The following BACE2 variants were observed in gnomAD, a reference collection of about 807,000 sequenced individuals.
BACE2 encodes beta-secretase 2, also known as 56 kDa aspartic-like protease.
Under a neutral mutation model 46.2 loss-of-function variants are expected in BACE2, and 17 were observed. The ratio of observed to expected loss-of-function variants is 0.37; its 90% confidence interval spans 0.25 to 0.55. BACE2 has a LOEUF of 0.55. Among genes scored for constraint, BACE2 ranks in the 20% least tolerant of loss-of-function variants. BACE2 has a pLI of 0.82. For synonymous variants in BACE2, 277 were observed against 295.9 expected (o/e 0.94, Z 0.66); for missense variants, 595 against 698.1 (o/e 0.85, Z 1.66).
intron 1 of BACE2, among the ~76,000 whole-genome samples, chr21:41,210,022 C>T (rs772293504): frequency 6.6e-6 from 1 of 152,074 alleles, no homozygotes; most frequent in Non-Finnish European, 1.5e-5. Context: ...ACCTATCACC[C>T]CAGGAACGAG....
chr21:41,202,817 CAT>C (rs1986003220), intron 1 of BACE2, among the ~76,000 whole-genome samples: 1 of 152,162 alleles, frequency 6.6e-6, no homozygotes, highest in African/African-American at 2.4e-5. Context: ...CCTGGTTAAA[CAT>C]ATGGATTCCA....
intron 2 of BACE2, among the ~76,000 whole-genome samples, chr21:41,234,239 CCAT>C (rs1987049868): frequency 1.3e-5 from 2 of 152,206 alleles, no homozygotes. Context: ...TCACCTTCCA[CCAT>C]GATTGTGAGG....
intron 1 of BACE2, among the ~76,000 whole-genome samples, chr21:41,191,134 G>A (rs1014560519): frequency 6.6e-6 from 1 of 152,164 alleles, no homozygotes; most frequent in Middle Eastern, 3.2e-3. Flanking sequence ...GGGAGAAACA[G>A]TACCATATAT....
In BACE2 at chr21:41,279,022, T is replaced by G. The variant is rs1474666182; in HGVS notation, c.*3398T>G. 1.3e-5 allele frequency: 2 copies of G among 149,208 alleles called. No individual in the cohort carries two copies. Among genetic ancestry groups the G allele is most frequent in the Admixed American group, 1.3e-4 (2 of 15,156 alleles). The allele number at this position is 149,208 out of a possible 1,614,324, so 9.2% of individuals were successfully genotyped here. A position where few individuals can be genotyped will look rare whatever the true frequency, so the allele number is the denominator to read the frequency against. On this transcript the variant is annotated 3_prime_UTR_variant, in exon 9 of 9. Coordinates refer to ENST00000330333, the MANE Select transcript of BACE2 (RefSeq NM_012105.5). ...AAAAACTTGCCAGTAAGTTTTTTGG[T>G]TGTTGTTTTGTTTTTTTTGAAAAAC...
rs772806755 is a variant in BACE2 at position 41,275,851 on chromosome 21, T to G, written c.*227T>G. On this transcript the variant is annotated 3_prime_UTR_variant, in exon 9 of 9. Transcript: ENST00000330333. ...AATAATTAAAAAAAAAACTTCATTCTAAACCAAAACAGAGTGGATTGGGCT... is the reference window on the plus strand; with the variant it reads ...AATAATTAAAAAAAAAACTTCATTCGAAACCAAAACAGAGTGGATTGGGCT... 4.9e-6 allele frequency: 3 copies of G among 607,578 alleles called. No homozygotes were observed. The highest frequency in any genetic ancestry group is 8.3e-6 in the Non-Finnish European group (3 of 360,068). The allele number at this position is 607,578 out of a possible 1,614,324, so 37.6% of individuals were successfully genotyped here. A position where few individuals can be genotyped will look rare whatever the true frequency, so the allele number is the denominator to read the frequency against.
At chr21:41,270,896 G>A (rs1374070436) in intron 8 of BACE2, among the ~76,000 whole-genome samples, 2 of 152,016 alleles carry the variant, frequency 1.3e-5, no homozygotes, top group African/African-American at 2.4e-5. Flanking sequence ...ATTGAGAAAC[G>A]GATATTGGAA....
At chr21:41,227,314 A>G (rs745781843) in intron 2 of BACE2, among the ~76,000 whole-genome samples, 17 of 152,202 alleles carry the variant, frequency 1.1e-4, no homozygotes, top group African/African-American at 2.2e-4. Context: ...GAACTGTCAC[A>G]TTAGGTTTCC....
At chr21:41,240,808 A>G (rs1987263409) in intron 3 of BACE2, among the ~76,000 whole-genome samples, 1 of 152,176 alleles carries the variant, frequency 6.6e-6, no homozygotes, top group Non-Finnish European at 1.5e-5. Context: ...GTCAAACACA[A>G]ATGGACTACA....
At chr21:41,176,536 G>C (rs774380436) in intron 1 of BACE2, 2 of 152,190 alleles carry the variant, frequency 1.3e-5, no homozygotes, top group Non-Finnish European at 2.9e-5. Context: ...CACTGCAGAG[G>C]CCAGATGCCC....
intron 1 of BACE2, chr21:41,181,546 T>G (rs1985123778): frequency 6.0e-6 from 1 of 167,120 alleles, no homozygotes; most frequent in African/African-American, 2.4e-5. Flanking sequence ...CAACTAGAGT[T>G]GGACCAGAGC....
chr21:41,275,685 G>A lies in BACE2; in HGVS notation c.*61G>A. On this transcript the variant is annotated 3_prime_UTR_variant, in exon 9 of 9. Transcript: ENST00000330333. ...GCTATTAAGAAAATCACATTTCCAG[G>A]GCAGCAGCCGGGATCGATGGTGGCG... is the stretch of plus-strand genomic sequence containing the variant. 2 of 1,581,242 alleles carry A rather than the reference G, an allele frequency of 1.3e-6. No individual in the cohort carries two copies. Among genetic ancestry groups the A allele is most frequent in the South Asian group, 1.1e-5 (1 of 87,548 alleles).
intron 1 of BACE2, among the ~76,000 whole-genome samples, chr21:41,187,428 C>T (rs1350217504): frequency 2.6e-5 from 4 of 152,212 alleles, no homozygotes; most frequent in Admixed American, 6.5e-5. Context: ...CCACTGTGTG[C>T]TAGAACCATG....
intron 7 of BACE2, among the ~76,000 whole-genome samples, chr21:41,253,079 G>A (rs903370706): frequency 6.6e-6 from 1 of 152,188 alleles, no homozygotes; most frequent in East Asian, 1.9e-4. Flanking sequence ...CAGTATCCTT[G>A]GATGAATGGC....
intron 7 of BACE2, among the ~76,000 whole-genome samples, chr21:41,252,927 T>C (rs1987681124): frequency 1.3e-5 from 2 of 152,108 alleles, no homozygotes; most frequent in Non-Finnish European, 2.9e-5. Flanking sequence ...GATACCACGC[T>C]CTCAGGAGAG....
rs1165766995 is a variant in BACE2, at chr21:41,171,581, C to T, written c.312+3006C>T. On this transcript the variant is annotated intron_variant, in intron 1 of 8. Transcript: ENST00000330333. ...TCTTTCGAACTGTAGAACTTTTGAACAGTTCTTTCAACCAGCACCTGCTTG... is the reference window on the plus strand; with the variant it reads ...TCTTTCGAACTGTAGAACTTTTGAATAGTTCTTTCAACCAGCACCTGCTTG... Among the ~76,000 whole-genome samples, 3 of 152,230 alleles carry T rather than the reference C, an allele frequency of 2.0e-5. No homozygotes were observed. In the East Asian group the frequency reaches 5.8e-4, roughly 29 times the overall value.
chr21:41,198,607 G>C (rs1344743449), intron 1 of BACE2, among the ~76,000 whole-genome samples: 2 of 152,172 alleles, frequency 1.3e-5, no homozygotes, highest in Admixed American at 1.3e-4. Flanking sequence ...GCTTCCAACA[G>C]GGGTCTCCAT....
intron 2 of BACE2, among the ~76,000 whole-genome samples, chr21:41,235,993 T>G (rs1033778203): frequency 2.0e-5 from 3 of 152,212 alleles, no homozygotes; most frequent in African/African-American, 7.2e-5. Flanking sequence ...ACAGACTGAT[T>G]ATTAAAACAG....
At chr21:41,176,168 G>A (rs1478213424) in intron 1 of BACE2, 1 of 152,196 alleles carries the variant, frequency 6.6e-6, no homozygotes, top group East Asian at 1.9e-4. Context: ...AATCTCCATA[G>A]CTCTAATTTT....
At chr21:41,212,804 G>T (rs544660839) in intron 1 of BACE2, among the ~76,000 whole-genome samples, 1 of 152,272 alleles carries the variant, frequency 6.6e-6, no homozygotes, top group South Asian at 2.1e-4. Context: ...AAGGAATATG[G>T]GTAGGCCACC....
Sources: allele counts gnomAD v4.1 joint callset (sites outside exome capture counted in the v4.1 genomes callset), GRCh38; gene constraint gnomAD v4.1.1; transcripts MANE v1.5; gene names NCBI Gene and HGNC (gene_info 2026-07-23, HGNC 2026-07-21).